PPP6R1: variants seen among roughly 807,000 people sequenced by gnomAD.
PPP6R1 encodes protein phosphatase 6 regulatory subunit 1.
PPP6R1 carries 39 observed loss-of-function variants against 104.6 expected under a neutral mutation model. That is an observed-to-expected ratio of 0.37 (90% CI 0.29 to 0.49). The LOEUF (loss-of-function observed/expected upper bound fraction) is 0.49. Among genes scored for constraint, PPP6R1 ranks in the 20% least tolerant of loss-of-function variants. The pLI, the probability that PPP6R1 is intolerant of heterozygous loss-of-function variation, is 0.98. For synonymous variants in PPP6R1, 549 were observed against 479.0 expected (o/e 1.15, Z -1.91); for missense variants, 1,181 against 1,155.8 (o/e 1.02, Z -0.32).
intron 1 of PPP6R1, among the ~76,000 whole-genome samples, chr19:55,249,112 C>T (rs769890441): frequency 6.6e-6 from 1 of 152,158 alleles, no homozygotes; most frequent in Admixed American, 6.5e-5. Flanking sequence ...ACAGTCATGG[C>T]GGCAGCAGGA....
intron 2 of PPP6R1, among the ~76,000 whole-genome samples, chr19:55,246,068 TC>T (rs2087505521): frequency 6.6e-6 from 1 of 152,036 alleles, no homozygotes; most frequent in Non-Finnish European, 1.5e-5. Context: ...ACCTCCTGCC[TC>T]CCTCCTCCAA....
intron 18 of PPP6R1, 35 bp downstream of exon 18, chr19:55,232,040 C>CTG: frequency 6.2e-7 from 1 of 1,611,448 alleles, no homozygotes; most frequent in Non-Finnish European, 8.5e-7. Context: ...GCAGACAGCC[C>CTG]TGTGTACACC....
At chr19:55,235,753 C>T (rs532422588) in intron 17 of PPP6R1, among the ~76,000 whole-genome samples, 1 of 151,612 alleles carries the variant, frequency 6.6e-6, no homozygotes, top group East Asian at 1.9e-4. Flanking sequence ...CTCCTGACCT[C>T]GTGATCCGCC....
rs994423663 is a variant in PPP6R1 at position 55,229,950 on chromosome 19, G to T, written c.*578C>A. On this transcript the variant is annotated 3_prime_UTR_variant, in exon 24 of 24. Transcript: ENST00000412770. Reference sequence around the variant, plus strand: ...TGGGGCTGTTGCCGGGGAGGCCCCTGCTCCCCAGAGCCGGACTGGCCTGGT... The same window carrying T: ...TGGGGCTGTTGCCGGGGAGGCCCCTTCTCCCCAGAGCCGGACTGGCCTGGT... The T allele has an allele frequency of 6.6e-6, 1 of 152,638 alleles. No homozygotes were observed. Among genetic ancestry groups the T allele is most frequent in the African/African-American group, 2.4e-5 (1 of 41,474 alleles). 9.5% of individuals were successfully genotyped at this position (152,638 alleles called of 1,614,324 possible).
intron 1 of PPP6R1, among the ~76,000 whole-genome samples, chr19:55,258,027 G>A (rs541190807): frequency 1.3e-4 from 20 of 152,370 alleles, no homozygotes; most frequent in African/African-American, 4.1e-4. Context: ...AGAGGTGGCG[G>A]GGCAGAGATC....
chr19:55,231,824 C>A lies in PPP6R1; in HGVS notation c.2284G>T (p.Ala762Ser), dbSNP rs756980782. Reference protein sequence around the residue: ...LPTQSLASPPARDALQLRSQD... With the variant: ...LPTQSLASPPSRDALQLRSQD... ...CACCTGAGCTGCAGGGCGTCACGGG[C>A]AGGAGGGCTGGCCAGGCTCTGAGTG... The change falls in exon 19 of 24, where the codon GCC becomes TCC. Residue 762 changes from alanine to serine, a missense_variant. By Grantham distance (99) the Ala-to-Ser change is moderately conservative (BLOSUM62 1). Transcript: ENST00000412770. 6.7e-6 allele frequency: 10 copies of A among 1,502,436 alleles called. No individual in the cohort carries two copies. Among genetic ancestry groups the A allele is most frequent in the Admixed American group, 2.4e-5 (1 of 42,154 alleles). 93.1% of individuals were successfully genotyped at this position (1,502,436 alleles called of 1,614,324 possible). A position where few individuals can be genotyped will look rare whatever the true frequency, so the allele number is the denominator to read the frequency against.
rs768634624 is a variant in PPP6R1, at chr19:55,239,389, C to A, written c.1751+16G>T. On this transcript the variant is annotated intron_variant, in intron 15 of 23. Coordinates refer to ENST00000412770, the MANE Select transcript of PPP6R1 (RefSeq NM_014931.4). ...GAGGCAGGACAGGGCTGTGACCCTG[C>A]GCAGGAGACACTCACTTCACACTCT... is the stretch of plus-strand genomic sequence containing the variant. 1.2e-5 allele frequency: 19 copies of A among 1,605,130 alleles called. No homozygotes were observed. Among genetic ancestry groups the A allele is most frequent in the Non-Finnish European group, 1.5e-5 (18 of 1,172,792 alleles).
At chr19:55,244,075 A>G (rs1189634148) in intron 5 of PPP6R1, among the ~76,000 whole-genome samples, 2 of 152,186 alleles carry the variant, frequency 1.3e-5, no homozygotes, top group Non-Finnish European at 2.9e-5. Context: ...GCTGCTACAA[A>G]AGAGAGAAAA....
At chr19:55,256,077 A>G (rs977849189) in intron 1 of PPP6R1, among the ~76,000 whole-genome samples, 2 of 152,214 alleles carry the variant, frequency 1.3e-5, no homozygotes, top group Admixed American at 1.3e-4. Context: ...CACACATCCC[A>G]CAAAAGAAAA....
chr19:55,255,592 T>A (rs906824560), intron 1 of PPP6R1: 2 of 152,370 alleles, frequency 1.3e-5, no homozygotes, highest in Non-Finnish European at 2.9e-5. Flanking sequence ...GAAAGGCAGG[T>A]GAGCCCCATC....
chr19:55,232,569 G>T (rs146920687), intron 17 of PPP6R1: 2 of 240,890 alleles, frequency 8.3e-6, no homozygotes, highest in East Asian at 1.9e-4. Context: ...CACCTCACAC[G>T]GTCACCACAG....
chr19:55,256,657 T>A (rs1306364756), intron 1 of PPP6R1, among the ~76,000 whole-genome samples: 2 of 152,132 alleles, frequency 1.3e-5, no homozygotes, highest in Non-Finnish European at 2.9e-5. Flanking sequence ...ACCCAGTCTT[T>A]ACAAAAAATA....
chr19:55,228,420 C>T (rs2087305860), downstream of PPP6R1: 2 of 1,612,800 alleles, frequency 1.2e-6, no homozygotes. Context: ...GGCTCAGCCA[C>T]CTGCAGACAT....
At chr19:55,248,590 G>A (rs1355303417) in intron 1 of PPP6R1, among the ~76,000 whole-genome samples, 2 of 152,170 alleles carry the variant, frequency 1.3e-5, no homozygotes, top group African/African-American at 2.4e-5. Flanking sequence ...CTCCTCCAAT[G>A]CCCTTCTGCA....
intron 17 of PPP6R1, 182 bp downstream of exon 17, chr19:55,236,461 T>C: frequency 1.5e-6 from 1 of 676,040 alleles, no homozygotes; most frequent in South Asian, 2.4e-5. Flanking sequence ...GAGCCCACCA[T>C]GCTTGGCCTT....
chr19:55,246,302 A>AC (rs931164081), intron 2 of PPP6R1, among the ~76,000 whole-genome samples: 6 of 152,070 alleles, frequency 3.9e-5, no homozygotes, highest in African/African-American at 1.2e-4. Flanking sequence ...GTGCTGGCTT[A>AC]TAGTCCCAGC....
At chr19:55,255,357 G>A (rs147948898) in intron 1 of PPP6R1, among the ~76,000 whole-genome samples, 1 of 152,190 alleles carries the variant, frequency 6.6e-6, no homozygotes. Flanking sequence ...AAAACAGAAA[G>A]GGGCAGAGTT....
downstream of PPP6R1, chr19:55,228,523 C>A (rs531872515): frequency 5.1e-6 from 8 of 1,563,990 alleles, no homozygotes; most frequent in South Asian, 1.2e-5. Flanking sequence ...GTCCCACCCC[C>A]ACCTGGGACC....
intron 1 of PPP6R1, among the ~76,000 whole-genome samples, chr19:55,248,505 C>G (rs1029856230): frequency 6.6e-6 from 1 of 152,268 alleles, no homozygotes; most frequent in Non-Finnish European, 1.5e-5. Context: ...CAGAGCAGAG[C>G]CGGCACAAGA....
Sources: allele counts gnomAD v4.1 joint callset (sites outside exome capture counted in the v4.1 genomes callset), GRCh38; gene constraint gnomAD v4.1.1; transcripts MANE v1.5; gene names NCBI Gene and HGNC (gene_info 2026-07-23, HGNC 2026-07-21).